Variants in MAPKAP1 observed in about 807,000 individuals in gnomAD.
MAPKAP1 encodes target of rapamycin complex 2 subunit MAPKAP1.
Under a neutral mutation model 65.7 loss-of-function variants are expected in MAPKAP1, and 20 were observed. The observed-to-expected ratio is 0.30, with a 90% CI of 0.21 to 0.44. MAPKAP1 has a LOEUF of 0.44. Among genes scored for constraint, MAPKAP1 ranks in the 20% least tolerant of loss-of-function variants. The probability of loss-of-function intolerance (pLI) is 1.00; values close to 1 mark genes in which losing one functional copy is unlikely to be tolerated. For missense variants in MAPKAP1, 423 were observed against 648.0 expected, an observed-to-expected ratio of 0.65 and a Z score of 3.77; for synonymous variants, 222 against 244.3, an observed-to-expected ratio of 0.91 and a Z score of 0.85.
chr9:125,643,088 C>T (rs558749389), intron 4 of MAPKAP1, among the ~76,000 whole-genome samples: 4 of 151,614 alleles, frequency 2.6e-5, no homozygotes, highest in South Asian at 2.1e-4. Context: ...TTAGTAGAGA[C>T]GGGGTTTCAC....
At chr9:125,493,755 T>G (rs12003178) in intron 8 of MAPKAP1, among the ~76,000 whole-genome samples, 9,264 of 152,280 alleles carry the variant, frequency 0.061, 838 homozygotes, top group African/African-American at 0.2. Context: ...GCTCAGCATT[T>G]TAAAGACGTC....
chr9:125,565,712 T>C (rs1338937418), intron 5 of MAPKAP1: 1 of 309,094 alleles, frequency 3.2e-6, no homozygotes, highest in Non-Finnish European at 6.3e-6. Flanking sequence ...GGAAGTTAGA[T>C]AACTTCCTGA....
At chr9:125,679,266 T>C (rs1834749214) in intron 1 of MAPKAP1, among the ~76,000 whole-genome samples, 1 of 152,288 alleles carries the variant, frequency 6.6e-6, no homozygotes, top group African/African-American at 2.4e-5. Flanking sequence ...CCTCCCAAAG[T>C]GCTGGAATTA....
At chr9:125,506,507 T>C (rs1289368972) in intron 7 of MAPKAP1, 90 bp from the exon 8 acceptor site, 6 of 1,076,426 alleles carry the variant, frequency 5.6e-6, no homozygotes, top group South Asian at 1.3e-5. Flanking sequence ...GAAAAGCTGA[T>C]AAAGCCTTAG....
chr9:125,672,765 T>C lies in MAPKAP1; in HGVS notation c.-69-122A>G, dbSNP rs1834532107. On this transcript the variant is annotated intron_variant, in intron 1 of 11. Transcript: ENST00000265960. ...AAAATCAACATTTATCCCTGTTCTG[T>C]GGAGCTTAAAAGGATTTAGTCTAAG... The C allele has an allele frequency of 1.4e-5, 9 of 652,496 alleles. 1 individual carries two copies. In the South Asian group the frequency reaches 1.8e-4, roughly 13 times the overall value. The allele number at this position is 652,496 out of a possible 1,614,324, so 40.4% of individuals were successfully genotyped here. A position where few individuals can be genotyped will look rare whatever the true frequency, so the allele number is the denominator to read the frequency against.
chr9:125,582,856 G>T (rs981856760), intron 5 of MAPKAP1, among the ~76,000 whole-genome samples: 28 of 152,118 alleles, frequency 1.8e-4, no homozygotes, highest in African/African-American at 6.3e-4. Context: ...AACAATATTT[G>T]CACAGTACAC....
chr9:125,657,948 G>A (rs1834078816), intron 3 of MAPKAP1, 149 bp from the exon 4 acceptor site: 2 of 711,598 alleles, frequency 2.8e-6, no homozygotes, highest in Non-Finnish European at 4.7e-6. Flanking sequence ...ACAATATACC[G>A]TGCACTGAAA....
At chr9:125,703,857 C>A (rs1166868165) in intron 1 of MAPKAP1, among the ~76,000 whole-genome samples, 1 of 152,000 alleles carries the variant, frequency 6.6e-6, no homozygotes, top group Non-Finnish European at 1.5e-5. Flanking sequence ...ACAGTAAGGC[C>A]TATACATCAG....
At chr9:125,442,771 ACT>A (rs1196536058) in intron 11 of MAPKAP1, among the ~76,000 whole-genome samples, 4 of 152,056 alleles carry the variant, frequency 2.6e-5, no homozygotes, top group Admixed American at 2.0e-4. Flanking sequence ...TAATCATGCT[ACT>A]CTGTCTGCTC....
chr9:125,476,838 A>C (rs1451732359), intron 9 of MAPKAP1, among the ~76,000 whole-genome samples: 3 of 152,238 alleles, frequency 2.0e-5, no homozygotes, highest in Non-Finnish European at 4.4e-5. Context: ...GCTGCCTGTC[A>C]TCATGCTCAG....
intron 4 of MAPKAP1, among the ~76,000 whole-genome samples, chr9:125,617,266 C>T (rs1282229905): frequency 2.0e-5 from 3 of 152,138 alleles, no homozygotes; most frequent in Non-Finnish European, 4.4e-5. Flanking sequence ...CTGAGACCAG[C>T]GGAGGCAACA....
At chr9:125,686,586 T>G (rs535944855) in intron 1 of MAPKAP1, among the ~76,000 whole-genome samples, 1 of 152,160 alleles carries the variant, frequency 6.6e-6, no homozygotes, top group Non-Finnish European at 1.5e-5. Context: ...GAGAGGTTTA[T>G]CCTGGAGCCC....
chr9:125,477,821 T>G (rs1426754605), intron 9 of MAPKAP1, among the ~76,000 whole-genome samples: 1 of 152,138 alleles, frequency 6.6e-6, no homozygotes, highest in East Asian at 1.9e-4. Context: ...GTGTGCAACC[T>G]CCCTCAAGTG....
chr9:125,484,788 T>C (rs973755768), intron 8 of MAPKAP1, among the ~76,000 whole-genome samples: 13 of 152,184 alleles, frequency 8.5e-5, no homozygotes, highest in African/African-American at 1.2e-4. Flanking sequence ...ACAAACACTA[T>C]GGCAGGTCCT....
rs1467387427 is a variant in MAPKAP1, at chr9:125,437,566, G to A, written c.*1321C>T. The A allele has an allele frequency of 1.3e-5, 2 of 152,552 alleles. No homozygotes were observed. The highest frequency in any genetic ancestry group is 2.9e-5 in the Non-Finnish European group (2 of 68,022). The allele number at this position is 152,552 out of a possible 1,614,324, so 9.4% of individuals were successfully genotyped here. ...TTCTTTTGTTTTTGGGTGGGGGGTA[G>A]GAATGGAAGACATTAGAAAAGGACG... On this transcript the variant is annotated 3_prime_UTR_variant, in exon 12 of 12. Coordinates refer to ENST00000265960, the MANE Select transcript of MAPKAP1 (RefSeq NM_001006617.3).
chr9:125,446,692 T>C (rs982625466), intron 10 of MAPKAP1, among the ~76,000 whole-genome samples: 3 of 152,214 alleles, frequency 2.0e-5, no homozygotes, highest in African/African-American at 7.2e-5. Context: ...CACCAGGGCC[T>C]GGGGCTAGAA....
Position 125,613,216 on chromosome 9 carries a change from C to G in MAPKAP1, c.499-27489G>C, listed in dbSNP as rs577294451. 4.5e-4 allele frequency among the ~76,000 whole-genome samples: 69 copies of G among 152,258 alleles called. No individual in the cohort carries two copies. The South Asian group carries it at 0.013, about 28-fold the overall frequency. On this transcript the variant is annotated intron_variant, in intron 4 of 11. Coordinates refer to ENST00000265960, the MANE Select transcript of MAPKAP1 (RefSeq NM_001006617.3). ...TCCAACGCAGACCTGAAGGTGTGCTCCCAGAACTTAACATGAAGCCAGTAA... is the reference window on the plus strand; with the variant it reads ...TCCAACGCAGACCTGAAGGTGTGCTGCCAGAACTTAACATGAAGCCAGTAA...
chr9:125,577,128 G>A (rs1247694496), intron 5 of MAPKAP1, among the ~76,000 whole-genome samples: 3 of 151,656 alleles, frequency 2.0e-5, no homozygotes, highest in East Asian at 1.9e-4. Context: ...GTCTCTGCCC[G>A]GCCGCCCATC....
At chr9:125,476,114 G>A (rs1172814710) in intron 9 of MAPKAP1, among the ~76,000 whole-genome samples, 1 of 152,184 alleles carries the variant, frequency 6.6e-6, no homozygotes, top group Non-Finnish European at 1.5e-5. Flanking sequence ...GGAGCCAGAG[G>A]AAGCTAGGCC....
Sources: allele counts gnomAD v4.1 joint callset (sites outside exome capture counted in the v4.1 genomes callset), GRCh38; gene constraint gnomAD v4.1.1; transcripts MANE v1.5; gene names NCBI Gene and HGNC (gene_info 2026-07-23, HGNC 2026-07-21).